Variants in NRXN3 observed in about 807,000 individuals in gnomAD.
The protein encoded by NRXN3 is neurexin III.
A neutral mutation model predicts 137.6 loss-of-function variants in NRXN3; 32 were observed. The observed-to-expected ratio is 0.23, with a 90% CI of 0.18 to 0.31. The LOEUF is 0.31. Among genes scored for constraint, NRXN3 ranks in the 10% least tolerant of loss-of-function variants. NRXN3 has a pLI of 1.00. For synonymous variants in NRXN3, 798 were observed against 784.5 expected, an observed-to-expected ratio of 1.02 and a Z score of -0.29; for missense variants, 1,574 against 2,062.5, an observed-to-expected ratio of 0.76 and a Z score of 4.59.
intron 15 of NRXN3, among the ~76,000 whole-genome samples, chr14:79,450,692 G>A (rs1429192264): frequency 3.3e-5 from 5 of 151,790 alleles, no homozygotes; most frequent in Admixed American, 6.6e-5. Context: ...AAATATAAAA[G>A]TTATCTCTAC....
chr14:79,269,063 T>G (rs1568866634), intron 15 of NRXN3, among the ~76,000 whole-genome samples: 1 of 152,138 alleles, frequency 6.6e-6, no homozygotes, highest in Non-Finnish European at 1.5e-5. Flanking sequence ...TTTATTTTAT[T>G]TTTTGAGACG....
chr14:78,846,815 G>A (rs534171285), intron 10 of NRXN3, among the ~76,000 whole-genome samples: 8 of 152,144 alleles, frequency 5.3e-5, no homozygotes, highest in Admixed American at 2.0e-4. Context: ...TTCCCACTGC[G>A]TCCTGCACCT....
At chr14:79,009,305 G>T (rs10129767) in intron 15 of NRXN3, among the ~76,000 whole-genome samples, 3 of 152,120 alleles carry the variant, frequency 2.0e-5, no homozygotes, top group African/African-American at 7.2e-5. Flanking sequence ...AATCTGACAT[G>T]CAGACTTGGA....
chr14:78,892,405 G>T (rs1348993543), intron 10 of NRXN3, among the ~76,000 whole-genome samples: 1 of 151,924 alleles, frequency 6.6e-6, no homozygotes, highest in Non-Finnish European at 1.5e-5. Flanking sequence ...TGGCAGATAG[G>T]CTGCCCATGG....
chr14:78,267,517 C>T (rs1225121042), intron 2 of NRXN3, among the ~76,000 whole-genome samples: 1 of 152,104 alleles, frequency 6.6e-6, no homozygotes, highest in Admixed American at 6.6e-5. Context: ...CAAAGTGAGA[C>T]CCCTCTCTGT....
At chr14:79,712,519 G>A (rs890281601) in intron 19 of NRXN3, among the ~76,000 whole-genome samples, 6 of 152,200 alleles carry the variant, frequency 3.9e-5, no homozygotes, top group Non-Finnish European at 7.3e-5. Context: ...TCTAGAGACT[G>A]AGGATACAGC....
chr14:78,951,702 A>T (rs2099387429), intron 10 of NRXN3, among the ~76,000 whole-genome samples: 1 of 152,126 alleles, frequency 6.6e-6, no homozygotes, highest in African/African-American at 2.4e-5. Flanking sequence ...TGTCTTGTTT[A>T]TCTTTTTATC....
At chr14:79,521,796 T>A (rs2097067923) in intron 16 of NRXN3, among the ~76,000 whole-genome samples, 1 of 152,180 alleles carries the variant, frequency 6.6e-6, no homozygotes, top group Non-Finnish European at 1.5e-5. Context: ...AAAACTATAC[T>A]CTGTGCTTAC....
At chr14:79,776,528 C>G (rs1312887733) in intron 19 of NRXN3, among the ~76,000 whole-genome samples, 1 of 152,184 alleles carries the variant, frequency 6.6e-6, no homozygotes, top group Non-Finnish European at 1.5e-5. Context: ...TTATCTCATC[C>G]TTTACCTCCT....
At chr14:78,525,585 C>T (rs1324909398) in intron 4 of NRXN3, among the ~76,000 whole-genome samples, 1 of 152,162 alleles carries the variant, frequency 6.6e-6, no homozygotes, top group Non-Finnish European at 1.5e-5. Flanking sequence ...TGACCACTTG[C>T]CATGGTACTA....
At chr14:79,250,869 TAAAA>T (rs1438945829) in intron 15 of NRXN3, among the ~76,000 whole-genome samples, 1 of 152,170 alleles carries the variant, frequency 6.6e-6, no homozygotes, top group African/African-American at 2.4e-5. Context: ...CAACATGACT[TAAAA>T]GAAAGAATCA....
intron 8 of NRXN3, among the ~76,000 whole-genome samples, chr14:78,797,017 C>A (rs1396195925): frequency 6.6e-6 from 1 of 151,954 alleles, no homozygotes; most frequent in Non-Finnish European, 1.5e-5. Flanking sequence ...CCAAGTCACA[C>A]ATATACAACA....
At chr14:78,616,428 C>A (rs549563725) in intron 4 of NRXN3, among the ~76,000 whole-genome samples, 1 of 152,288 alleles carries the variant, frequency 6.6e-6, no homozygotes, top group South Asian at 2.1e-4. Context: ...CAAGAGCTTC[C>A]TTAATTCTTC....
intron 17 of NRXN3, among the ~76,000 whole-genome samples, chr14:79,689,328 C>T (rs184518840): frequency 1.8e-4 from 27 of 152,126 alleles, no homozygotes; most frequent in African/African-American, 5.5e-4. Context: ...AGGTTGTTTG[C>T]GCTTCAGTCA....
chr14:78,575,530 T>G (rs1283896862), intron 4 of NRXN3, among the ~76,000 whole-genome samples: 1 of 152,206 alleles, frequency 6.6e-6, no homozygotes, highest in East Asian at 1.9e-4. Flanking sequence ...ATGAAAGTGG[T>G]TCATTCATGC....
intron 16 of NRXN3, among the ~76,000 whole-genome samples, chr14:79,597,350 A>G (rs2097868534): frequency 6.6e-6 from 1 of 152,196 alleles, no homozygotes. Context: ...CTTGTCAGAC[A>G]AGCTTTCAAC....
At chr14:78,516,612 A>G (rs1567816950) in intron 4 of NRXN3, among the ~76,000 whole-genome samples, 1 of 151,974 alleles carries the variant, frequency 6.6e-6, no homozygotes, top group Non-Finnish European at 1.5e-5. Context: ...CCATGCTTGC[A>G]GTATAAAATT....
chr14:78,554,924 C>T (rs2096724637), intron 4 of NRXN3, among the ~76,000 whole-genome samples: 2 of 152,134 alleles, frequency 1.3e-5, no homozygotes, highest in African/African-American at 2.4e-5. Flanking sequence ...ACCCATTTGC[C>T]CTTCCAAATC....
intron 15 of NRXN3, among the ~76,000 whole-genome samples, chr14:79,426,505 C>T: frequency 6.6e-6 from 1 of 152,146 alleles, no homozygotes; most frequent in African/African-American, 2.4e-5. Context: ...ATAGAATGTG[C>T]AGGAGATTAT....
Sources: gnomAD v4.1 joint callset for allele counts (sites outside exome capture counted in the v4.1 genomes callset) on GRCh38, gnomAD v4.1.1 for gene constraint, MANE v1.5 for transcripts, NCBI Gene and HGNC (gene_info 2026-07-23, HGNC 2026-07-21) for gene names.